Variants in PRELID2 observed in about 807,000 individuals in gnomAD.
The protein encoded by PRELID2 is PRELI domain containing 2, also known as PRELI domain-containing protein 2.
PRELID2 carries 25 observed loss-of-function variants against 28.4 expected under a neutral mutation model. The observed-to-expected ratio is 0.88, with a 90% CI of 0.64 to 1.23. The LOEUF is 1.23. Ranked by LOEUF, PRELID2 falls within the 50% of genes most tolerant of loss-of-function variation. PRELID2 has a pLI of 0.00. For synonymous variants in PRELID2, 76 were observed against 71.6 expected (o/e 1.06, Z -0.31); for missense variants, 201 against 214.4 (o/e 0.94, Z 0.39).
the PRELID2 span, among the ~76,000 whole-genome samples, chr5:145,315,192 C>T: frequency 6.6e-6 from 1 of 151,548 alleles, no homozygotes. Flanking sequence ...GCCTCAGCCT[C>T]CCGAGTAGCT....
chr5:145,283,342 A>G, the PRELID2 span, among the ~76,000 whole-genome samples: 5 of 152,330 alleles, frequency 3.3e-5, no homozygotes, highest in Admixed American at 1.3e-4. Flanking sequence ...AAGCCAAAAC[A>G]TAGAAAGTAA....
intron 1 of PRELID2, among the ~76,000 whole-genome samples, chr5:145,573,274 T>C (rs1184718238): frequency 3.3e-5 from 5 of 152,124 alleles, no homozygotes; most frequent in African/African-American, 1.2e-4. Context: ...TCAGACAGAA[T>C]ATAATAACTA....
At chr5:145,280,268 C>G in the PRELID2 span, among the ~76,000 whole-genome samples, 1 of 152,086 alleles carries the variant, frequency 6.6e-6, no homozygotes, top group Admixed American at 6.6e-5. Flanking sequence ...AAACATTCTG[C>G]AGTTTTTCTG....
the PRELID2 span, among the ~76,000 whole-genome samples, chr5:145,344,648 C>A: frequency 6.6e-6 from 1 of 151,988 alleles, no homozygotes; most frequent in East Asian, 1.9e-4. Flanking sequence ...ATGTTCTTAA[C>A]CACACAGAAT....
At chr5:145,463,211 C>T in the PRELID2 span, among the ~76,000 whole-genome samples, 1 of 151,874 alleles carries the variant, frequency 6.6e-6, no homozygotes, top group East Asian at 1.9e-4. Context: ...TTATGACCTG[C>T]TATAGAAAAT....
chr5:145,254,221 A>T, the PRELID2 span, among the ~76,000 whole-genome samples: 1 of 152,204 alleles, frequency 6.6e-6, no homozygotes, highest in Non-Finnish European at 1.5e-5. Context: ...CTACTATGAC[A>T]TGCCTATTAT....
At chr5:145,248,795 C>G in the PRELID2 span, among the ~76,000 whole-genome samples, 1 of 151,848 alleles carries the variant, frequency 6.6e-6, no homozygotes, top group Admixed American at 6.6e-5. Context: ...GATTCTATCT[C>G]AAAAAAGAAA....
chr5:145,532,638 T>C (rs1012972465), intron 1 of PRELID2, among the ~76,000 whole-genome samples: 1 of 152,104 alleles, frequency 6.6e-6, no homozygotes, highest in African/African-American at 2.4e-5. Context: ...CCCCAGCCCC[T>C]GGTAACCACT....
At chr5:145,739,806 A>G (rs11167909) in intron 1 of PRELID2, among the ~76,000 whole-genome samples, 82,159 of 151,738 alleles carry the variant, frequency 0.54, 26,022 homozygotes, top group Non-Finnish European at 0.72. Context: ...AATGTAATAT[A>G]TAGAGCAACC....
the PRELID2 span, among the ~76,000 whole-genome samples, chr5:145,318,932 C>T: frequency 6.6e-6 from 1 of 152,050 alleles, no homozygotes; most frequent in African/African-American, 2.4e-5. Context: ...GGATAGGGAG[C>T]TGGAAAGGGG....
At chr5:145,425,380 T>C in the PRELID2 span, among the ~76,000 whole-genome samples, 1 of 152,194 alleles carries the variant, frequency 6.6e-6, no homozygotes, top group Admixed American at 6.6e-5. Context: ...AGGAATACCA[T>C]TTGCCCCAAC....
chr5:145,752,536 G>A (rs1335664499), downstream of PRELID2, among the ~76,000 whole-genome samples: 2 of 152,072 alleles, frequency 1.3e-5, no homozygotes, highest in African/African-American at 2.4e-5. Flanking sequence ...TTCGGGAGAC[G>A]GATTGAATTG....
the PRELID2 span, among the ~76,000 whole-genome samples, chr5:145,262,800 G>A: frequency 6.6e-6 from 1 of 151,786 alleles, no homozygotes; most frequent in South Asian, 2.1e-4. Context: ...AAAGTATTCA[G>A]GCAACAAATG....
At chr5:145,284,875 G>A in the PRELID2 span, among the ~76,000 whole-genome samples, 1 of 151,984 alleles carries the variant, frequency 6.6e-6, no homozygotes, top group African/African-American at 2.4e-5. Flanking sequence ...TTCCTTAGAA[G>A]AATTTAATTC....
the PRELID2 span, among the ~76,000 whole-genome samples, chr5:145,411,685 C>A: frequency 2.0e-5 from 3 of 152,294 alleles, no homozygotes; most frequent in Non-Finnish European, 4.4e-5. Flanking sequence ...CTCTACTAGG[C>A]AGTGCTCCAG....
In PRELID2 at chr5:145,689,881, G is replaced by A. The variant is rs115195938; in HGVS notation, n.70+75050C>T. 6.1e-3 allele frequency among the ~76,000 whole-genome samples: 924 copies of A among 152,210 alleles called. 15 individuals carry two copies. Among genetic ancestry groups the A allele is most frequent in the African/African-American group, 0.021 (856 of 41,514 alleles). ...CATCTCCATTTACTACTCCCAGTGT[G>A]GGGCCCCTTACCAAACTCCAGCTTT... On this transcript the variant is annotated intron_variant and non_coding_transcript_variant, in intron 1 of 2. Transcript: ENST00000510259.
chr5:145,348,673 A>G, the PRELID2 span, among the ~76,000 whole-genome samples: 3 of 151,122 alleles, frequency 2.0e-5, no homozygotes. Context: ...TATTCTACAT[A>G]TTTTATCTTT....
In PRELID2 at chr5:145,664,585, G is replaced by A. The variant is rs188186476; in HGVS notation, n.70+100346C>T. 7.2e-5 allele frequency among the ~76,000 whole-genome samples: 11 copies of A among 152,088 alleles called. No homozygotes were observed. The East Asian group carries it at 9.7e-4, about 13-fold the overall frequency. ...CACTTCTCTTAACTCTAAAGCTCCCGCTTTTTTAATCTAACTCTTTGAGCC... is the reference window on the plus strand; with the variant it reads ...CACTTCTCTTAACTCTAAAGCTCCCACTTTTTTAATCTAACTCTTTGAGCC... On this transcript the variant is annotated intron_variant and non_coding_transcript_variant, in intron 1 of 2. Transcript: ENST00000510259.
the PRELID2 span, among the ~76,000 whole-genome samples, chr5:145,232,957 A>T: frequency 2.1e-5 from 3 of 145,340 alleles, no homozygotes; most frequent in Non-Finnish European, 4.6e-5. Flanking sequence ...AATAAAATAT[A>T]TATGTATGTA....
Sources: gnomAD v4.1 joint callset for allele counts (sites outside exome capture counted in the v4.1 genomes callset) on GRCh38, gnomAD v4.1.1 for gene constraint, MANE v1.5 for transcripts, NCBI Gene and HGNC (gene_info 2026-07-23, HGNC 2026-07-21) for gene names.